ARHGAP15: variants seen among roughly 807,000 people sequenced by gnomAD.
ARHGAP15 encodes the protein rho GTPase-activating protein 15.
A neutral mutation model predicts 63.7 loss-of-function variants in ARHGAP15; 51 were observed. That is an observed-to-expected ratio of 0.80 (90% CI 0.64 to 1.01). The LOEUF is 1.01. Ranked by LOEUF, ARHGAP15 falls within the 50% of genes least tolerant of loss-of-function variation. ARHGAP15 has a pLI of 0.00. For missense variants in ARHGAP15, 560 were observed against 564.6 expected (o/e 0.99, Z 0.08); for synonymous variants, 191 against 193.8 (o/e 0.99, Z 0.12).
At chr2:143,395,103 C>G (rs757979539) in intron 6 of ARHGAP15, among the ~76,000 whole-genome samples, 1 of 151,780 alleles carries the variant, frequency 6.6e-6, no homozygotes, top group Admixed American at 6.6e-5. Context: ...GATTATAAAA[C>G]GTGAATAATA....
intron 8 of ARHGAP15, among the ~76,000 whole-genome samples, chr2:143,466,818 C>G (rs933297720): frequency 2.6e-5 from 4 of 151,948 alleles, no homozygotes; most frequent in Non-Finnish European, 5.9e-5. Flanking sequence ...TAAAAAGGAC[C>G]AGTTTAGCAG....
chr2:143,390,605 TC>T (rs952703506), intron 6 of ARHGAP15, among the ~76,000 whole-genome samples: 1 of 151,868 alleles, frequency 6.6e-6, no homozygotes, highest in South Asian at 2.1e-4. Flanking sequence ...ACTCTCCGCT[TC>T]CCCCTCCCTT....
At chr2:143,180,050 C>T (rs1452308417) in intron 2 of ARHGAP15, among the ~76,000 whole-genome samples, 2 of 152,116 alleles carry the variant, frequency 1.3e-5, no homozygotes, top group Non-Finnish European at 2.9e-5. Flanking sequence ...TTCTGAAGGG[C>T]AAAGTGGCTG....
intron 13 of ARHGAP15, among the ~76,000 whole-genome samples, chr2:143,744,840 G>A (rs1686101421): frequency 6.6e-6 from 1 of 152,098 alleles, no homozygotes; most frequent in South Asian, 2.1e-4. Flanking sequence ...AATATAGGGA[G>A]GGAGAAAATG....
At chr2:143,759,967 T>C (rs371284513) in intron 13 of ARHGAP15, among the ~76,000 whole-genome samples, 1 of 152,198 alleles carries the variant, frequency 6.6e-6, no homozygotes, top group Non-Finnish European at 1.5e-5. Context: ...TCTCTTTTTC[T>C]TAGCTTTTCT....
At chr2:143,598,506 G>T (rs1327633343) in intron 11 of ARHGAP15, among the ~76,000 whole-genome samples, 1 of 152,148 alleles carries the variant, frequency 6.6e-6, no homozygotes, top group Admixed American at 6.6e-5. Flanking sequence ...TGAGTAGCTG[G>T]CTTGGGGTAG....
intron 6 of ARHGAP15, among the ~76,000 whole-genome samples, chr2:143,403,205 T>A: frequency 6.6e-6 from 1 of 151,988 alleles, no homozygotes; most frequent in Non-Finnish European, 1.5e-5. Flanking sequence ...ATTTTTTATT[T>A]TTTTTCTTTT....
chr2:143,634,145 A>G (rs1027058038), intron 12 of ARHGAP15, among the ~76,000 whole-genome samples: 1 of 152,026 alleles, frequency 6.6e-6, no homozygotes, highest in African/African-American at 2.4e-5. Context: ...TGCCTTGCCC[A>G]TTGCATTCCA....
chr2:143,143,546 T>C (rs1226803497), intron 1 of ARHGAP15, among the ~76,000 whole-genome samples: 7 of 150,474 alleles, frequency 4.7e-5, no homozygotes, highest in Admixed American at 4.6e-4. Context: ...TTGGTCTTTA[T>C]CAAGGAGAGC....
chr2:143,541,987 G>GAGGC (rs1042457443), intron 10 of ARHGAP15, among the ~76,000 whole-genome samples: 1 of 152,194 alleles, frequency 6.6e-6, no homozygotes, highest in African/African-American at 2.4e-5. Flanking sequence ...GGAGCCTACA[G>GAGGC]AGGCAGGCAG....
chr2:143,171,223 TTG>T (rs1690768457), intron 2 of ARHGAP15, among the ~76,000 whole-genome samples: 1 of 152,178 alleles, frequency 6.6e-6, no homozygotes, highest in African/African-American at 2.4e-5. Context: ...GAGGCTGAAA[TTG>T]GCAGCTTATC....
At chr2:143,192,922 C>T (rs908864101) in intron 2 of ARHGAP15, among the ~76,000 whole-genome samples, 4 of 152,210 alleles carry the variant, frequency 2.6e-5, no homozygotes, top group Non-Finnish European at 5.9e-5. Context: ...GCTGTACTTA[C>T]ACCCATGGTA....
chr2:143,677,334 G>A (rs1682877516), intron 12 of ARHGAP15, among the ~76,000 whole-genome samples: 1 of 152,204 alleles, frequency 6.6e-6, no homozygotes, highest in Non-Finnish European at 1.5e-5. Flanking sequence ...TTTATCTTTT[G>A]ACATTGGTGT....
intron 4 of ARHGAP15, among the ~76,000 whole-genome samples, chr2:143,217,929 A>G (rs1692822019): frequency 6.6e-6 from 1 of 152,138 alleles, no homozygotes; most frequent in South Asian, 2.1e-4. Context: ...TCCTAAATGA[A>G]ATAATTTCAA....
chr2:143,699,075 T>A (rs374701263), intron 12 of ARHGAP15, among the ~76,000 whole-genome samples: 10 of 152,178 alleles, frequency 6.6e-5, no homozygotes, highest in Non-Finnish European at 1.5e-4. Context: ...TAACCACTCC[T>A]GTATTATGTA....
chr2:143,337,497 A>G (rs984695331), intron 6 of ARHGAP15, among the ~76,000 whole-genome samples: 1 of 152,162 alleles, frequency 6.6e-6, no homozygotes, highest in South Asian at 2.1e-4. Flanking sequence ...AGGTTTCTGC[A>G]TTACATTCAG....
rs1435527476 is a variant in ARHGAP15 at position 143,523,275 on chromosome 2, CTA to C, written c.925+3913_925+3914del. ...ATGTTAGCATAAACTGTGATAAGTA[CTA>C]TGAGAGAAAAGAACAGACCCTACAA... On this transcript the variant is annotated intron_variant, in intron 10 of 13. Coordinates refer to ENST00000295095, the MANE Select transcript of ARHGAP15 (RefSeq NM_018460.4). Among the ~76,000 whole-genome samples the C allele has an allele frequency of 5.3e-5, 8 of 151,952 alleles. No individual in the cohort carries two copies. The East Asian group carries it at 9.6e-4, about 18-fold the overall frequency.
At chr2:143,322,128 A>G (rs1167827700) in intron 6 of ARHGAP15, among the ~76,000 whole-genome samples, 1 of 152,108 alleles carries the variant, frequency 6.6e-6, no homozygotes, top group African/African-American at 2.4e-5. Context: ...TGTTTTTGGA[A>G]CAGTTCCAAT....
intron 6 of ARHGAP15, among the ~76,000 whole-genome samples, chr2:143,342,663 T>C (rs1188285393): frequency 6.6e-6 from 1 of 152,082 alleles, no homozygotes; most frequent in East Asian, 1.9e-4. Context: ...TTTAAGTTTG[T>C]GTAGAATTAT....
Sources: gnomAD v4.1 joint callset for allele counts (sites outside exome capture counted in the v4.1 genomes callset) on GRCh38, gnomAD v4.1.1 for gene constraint, MANE v1.5 for transcripts, NCBI Gene and HGNC (gene_info 2026-07-23, HGNC 2026-07-21) for gene names.